The following RMC1 variants were observed in gnomAD, a reference collection of about 807,000 sequenced individuals.
RMC1 encodes the protein regulator of MON1-CCZ1.
RMC1 carries 44 observed loss-of-function variants against 95.5 expected under a neutral mutation model. The observed-to-expected ratio is 0.46, with a 90% CI of 0.36 to 0.59. The LOEUF (loss-of-function observed/expected upper bound fraction) is 0.59, where lower values mean the gene tolerates loss of function less well. Among genes scored for constraint, RMC1 ranks in the 20% least tolerant of loss-of-function variants. The pLI, the probability that RMC1 is intolerant of heterozygous loss-of-function variation, is 0.00. For missense variants in RMC1, 705 were observed against 819.6 expected (o/e 0.86, Z 1.71); for synonymous variants, 320 against 303.6 (o/e 1.05, Z -0.56).
chr18:23,503,582 C>G lies in RMC1; in HGVS notation c.-37C>G. 2.0e-6 allele frequency: 3 copies of G among 1,501,000 alleles called. No individual in the cohort carries two copies. Among genetic ancestry groups the G allele is most frequent in the Non-Finnish European group, 2.7e-6 (3 of 1,113,366 alleles). The allele number at this position is 1,501,000 out of a possible 1,614,324, so 93.0% of individuals were successfully genotyped here. A position where few individuals can be genotyped will look rare whatever the true frequency, so the allele number is the denominator to read the frequency against. Reference sequence around the variant, plus strand: ...GCGCATCCTGCTCCACTCTGGCGACCGCCCCCGGGGCCCCCGCCGCGGGCG... The same window carrying G: ...GCGCATCCTGCTCCACTCTGGCGACGGCCCCCGGGGCCCCCGCCGCGGGCG... On this transcript the variant is annotated 5_prime_UTR_variant, in exon 1 of 20. Coordinates refer to ENST00000269221, the MANE Select transcript of RMC1 (RefSeq NM_013326.5).
chr18:23,529,392 G>C (rs543174469), intron 15 of RMC1, 94 bp downstream of exon 15: 1 of 1,490,356 alleles, frequency 6.7e-7, no homozygotes, highest in East Asian at 2.3e-5. Flanking sequence ...AGAGTCACTT[G>C]AAGTGATTAG....
Position 23,505,113 on chromosome 18 carries a change from A to C in RMC1, c.179+666A>C, listed in dbSNP as rs964825381. On this transcript the variant is annotated intron_variant, in intron 2 of 19. Coordinates refer to ENST00000269221, the MANE Select transcript of RMC1 (RefSeq NM_013326.5). ...CCCTCTGTTCCCCAGGGTGGAGTGC[A>C]GTGGTGCGATCTTGGCTGACTGCAA... Among the ~76,000 whole-genome samples, 4 of 152,284 alleles carry C rather than the reference A, an allele frequency of 2.6e-5. No individual in the cohort carries two copies. The East Asian group carries it at 7.7e-4, about 29-fold the overall frequency.
chr18:23,518,893 C>G lies in RMC1; in HGVS notation c.657C>G (p.Tyr219Ter). ...TGTCTGTTTGTTCCCTAATTAGATA[C>G]GGGCAGCTGTATGTTCTCTTCTTGA... ...SERDIAMATI[Y>*]GQLYVLFLRH... The change falls in exon 8 of 20, where the codon TAC becomes TAG. Residue 219 changes from tyrosine to a stop codon, truncating the protein, a stop_gained. Transcript: ENST00000269221. LOFTEE classifies it high-confidence loss of function. 2 of 1,613,842 alleles carry G rather than the reference C, an allele frequency of 1.2e-6. No individual in the cohort carries two copies. Among genetic ancestry groups the G allele is most frequent in the Non-Finnish European group, 1.7e-6 (2 of 1,179,780 alleles).
intron 12 of RMC1, among the ~76,000 whole-genome samples, chr18:23,524,941 C>CTTTTTTTTT (rs5823396): frequency 5.8e-5 from 4 of 69,216 alleles, no homozygotes; most frequent in Non-Finnish European, 7.6e-5. Context: ...TTAGAGAAAT[C>CTTTTTTTTT]TTTTTTTTTT....
chr18:23,520,191 T>G lies in RMC1; in HGVS notation c.850-11T>G. On this transcript the variant is annotated splice_polypyrimidine_tract_variant and intron_variant, in intron 9 of 19. Coordinates refer to ENST00000269221, the MANE Select transcript of RMC1 (RefSeq NM_013326.5). ...TGATTTTGGCCTCAGTCTTGTCTTTTTCCCCCCCAGACATCGGTAATATTC... is the reference window on the plus strand; with the variant it reads ...TGATTTTGGCCTCAGTCTTGTCTTTGTCCCCCCCAGACATCGGTAATATTC... 1 of 1,609,184 alleles carries G rather than the reference T, an allele frequency of 6.2e-7. No homozygotes were observed.
intron 16 of RMC1, 106 bp from the exon 17 acceptor site, chr18:23,529,922 C>T: frequency 8.6e-7 from 1 of 1,159,558 alleles, no homozygotes; most frequent in South Asian, 1.4e-5. Flanking sequence ...CTTGTAATGA[C>T]AGACTTTTAC....
Position 23,504,441 on chromosome 18 carries a change from C to T in RMC1, c.173C>T (p.Ser58Leu). 1.2e-6 allele frequency: 2 copies of T among 1,611,684 alleles called. No individual in the cohort carries two copies. Among genetic ancestry groups the T allele is most frequent in the Non-Finnish European group, 1.7e-6 (2 of 1,177,772 alleles). ...VKGPDDRNPI[S>L]FRMDDKGEVK... is the part of the protein sequence containing the mutation. ...GGCCCAGATGATAGGAATCCCATCT[C>T]ATTTAGGTAATGGTATAGACACTTT... Residue 58 changes from serine to leucine, a missense_variant, in exon 2 of 20, where the codon TCA becomes TTA. By Grantham distance (145) the Ser-to-Leu change is moderately radical (BLOSUM62 -2). Transcript: ENST00000269221.
Position 23,510,029 on chromosome 18 carries a change from A to G in RMC1, c.408+750A>G, listed in dbSNP as rs140896635. On this transcript the variant is annotated intron_variant, in intron 5 of 19. Transcript: ENST00000269221. The stretch of plus-strand genomic sequence containing the variant: ...TTGCAAGTAATAAATTAAAAAAAAA[A>G]AAAAGAAAAGAAAAAGGGCTTGGTG... 1.6e-3 allele frequency among the ~76,000 whole-genome samples: 240 copies of G among 150,882 alleles called. 5 individuals carry two copies. In the East Asian group the frequency reaches 0.029, roughly 18 times the overall value.
intron 10 of RMC1, among the ~76,000 whole-genome samples, chr18:23,523,228 T>A (rs540779608): frequency 6.6e-6 from 1 of 152,236 alleles, no homozygotes; most frequent in African/African-American, 2.4e-5. Flanking sequence ...ACCTGCCTTC[T>A]GATTGTACCT....
intron 5 of RMC1, among the ~76,000 whole-genome samples, chr18:23,514,565 A>G: frequency 6.6e-6 from 1 of 151,964 alleles, no homozygotes; most frequent in East Asian, 2.0e-4. Context: ...CTCAAAAAAA[A>G]AAAAAATTTG....
At chr18:23,507,147 T>C (rs2145130220) in intron 3 of RMC1, 93 bp downstream of exon 3, 2 of 844,024 alleles carry the variant, frequency 2.4e-6, no homozygotes, top group South Asian at 3.3e-5. Context: ...AAGGAAACTT[T>C]TATTATCTTA....
intron 2 of RMC1, chr18:23,504,666 T>G (rs2057669271): frequency 2.2e-6 from 1 of 446,206 alleles, no homozygotes; most frequent in Non-Finnish European, 4.1e-6. Flanking sequence ...GGGAGCCAAA[T>G]ACTTCAAAAG....
intron 12 of RMC1, among the ~76,000 whole-genome samples, chr18:23,526,190 G>A (rs1287200929): frequency 6.6e-6 from 1 of 152,230 alleles, no homozygotes; most frequent in African/African-American, 2.4e-5. Context: ...GAGTTATGAT[G>A]TTCCATTGAG....
chr18:23,524,941 CTTTTTTTT>C (rs5823396), intron 12 of RMC1, among the ~76,000 whole-genome samples: 2 of 69,216 alleles, frequency 2.9e-5, no homozygotes, highest in African/African-American at 5.9e-5. Context: ...TTAGAGAAAT[CTTTTTTTT>C]TTTTTTTTTT....
Position 23,525,189 on chromosome 18 carries a change from G to A in RMC1, c.1060+707G>A, listed in dbSNP as rs143270481. On this transcript the variant is annotated intron_variant, in intron 12 of 19. Coordinates refer to ENST00000269221, the MANE Select transcript of RMC1 (RefSeq NM_013326.5). ...TCAAACTCCCAACCTCAGGTGATCC[G>A]CCTGCCTCGGCCTCCCAAAGTGCTG... is the stretch of plus-strand genomic sequence containing the variant. 0.023 allele frequency among the ~76,000 whole-genome samples: 3,485 copies of A among 151,522 alleles called. 237 individuals are homozygous for A. In the East Asian group the frequency reaches 0.29, roughly 12 times the overall value.
At chr18:23,519,443 A>G (rs9967282) in intron 9 of RMC1, among the ~76,000 whole-genome samples, 7 of 152,004 alleles carry the variant, frequency 4.6e-5, no homozygotes, top group Non-Finnish European at 1.0e-4. Flanking sequence ...GCTTGAGCCC[A>G]GGAGGTCGGG....
intron 14 of RMC1, chr18:23,528,902 G>T: frequency 3.5e-6 from 1 of 282,548 alleles, no homozygotes; most frequent in Non-Finnish European, 6.7e-6. Flanking sequence ...TTTTTGAGAC[G>T]GAGTTTTGTT....
At chr18:23,523,560 A>AAG (rs1385333306) in intron 10 of RMC1, among the ~76,000 whole-genome samples, 2 of 148,768 alleles carry the variant, frequency 1.3e-5, no homozygotes, top group East Asian at 1.9e-4. Context: ...AAAAAAAAAA[A>AAG]AAAAAAAAAG....
At chr18:23,504,469 G>T (rs369532071) in intron 2 of RMC1, 22 bp downstream of exon 2, 28 of 1,569,072 alleles carry the variant, frequency 1.8e-5, no homozygotes, top group Non-Finnish European at 2.0e-5. Context: ...GACACTTTCA[G>T]ATCATTTTGT....
Sources: allele counts gnomAD v4.1 joint callset (sites outside exome capture counted in the v4.1 genomes callset), GRCh38; gene constraint gnomAD v4.1.1; transcripts MANE v1.5; gene names NCBI Gene and HGNC (gene_info 2026-07-23, HGNC 2026-07-21).